NCOA1: variants seen among roughly 807,000 people sequenced by gnomAD.
The protein encoded by NCOA1 is nuclear receptor coactivator 1.
In NCOA1, 35 loss-of-function variants were observed where a neutral mutation model predicts 150.9. The observed-to-expected ratio is 0.23, with a 90% CI of 0.18 to 0.31. The LOEUF (loss-of-function observed/expected upper bound fraction) is 0.31, where lower values mean the gene tolerates loss of function less well. Ranked by LOEUF, NCOA1 falls within the 10% of genes least tolerant of loss-of-function variation. The probability of loss-of-function intolerance (pLI) is 1.00; values close to 1 mark genes in which losing one functional copy is unlikely to be tolerated. For missense variants in NCOA1, 1,491 were observed against 1,749.3 expected (o/e 0.85, Z 2.63); for synonymous variants, 590 against 630.0 (o/e 0.94, Z 0.95).
intron 4 of NCOA1, among the ~76,000 whole-genome samples, chr2:24,651,881 A>T (rs1670726016): frequency 6.6e-6 from 1 of 151,964 alleles, no homozygotes; most frequent in Non-Finnish European, 1.5e-5. Context: ...ACAGGAAATA[A>T]CTCTTTATTT....
chr2:24,566,219 C>G (rs1376580170), intron 2 of NCOA1, among the ~76,000 whole-genome samples: 1 of 152,190 alleles, frequency 6.6e-6, no homozygotes, highest in African/African-American at 2.4e-5. Flanking sequence ...CAATAGGTAG[C>G]TCCTTTCTGC....
intron 3 of NCOA1, among the ~76,000 whole-genome samples, chr2:24,638,180 C>CTTTTTTTTTTT (rs544369191): frequency 1.1e-5 from 1 of 89,508 alleles, no homozygotes; most frequent in Admixed American, 1.3e-4. Flanking sequence ...ATGAGATCAA[C>CTTTTTTTTTTT]TTTTTTTTTT....
intron 3 of NCOA1, among the ~76,000 whole-genome samples, chr2:24,625,792 G>T (rs1669382503): frequency 6.6e-6 from 1 of 150,452 alleles, no homozygotes; most frequent in Admixed American, 6.6e-5. Context: ...AAGTGTGTTG[G>T]TTTTAAATAT....
chr2:24,549,554 A>G (rs757678076), intron 1 of NCOA1, among the ~76,000 whole-genome samples: 17 of 152,006 alleles, frequency 1.1e-4, no homozygotes, highest in Non-Finnish European at 1.9e-4. Flanking sequence ...CAATTTTTCC[A>G]TATTTTTATG....
At chr2:24,642,597 A>G (rs926132183) in intron 3 of NCOA1, among the ~76,000 whole-genome samples, 1 of 152,212 alleles carries the variant, frequency 6.6e-6, no homozygotes, top group Non-Finnish European at 1.5e-5. Flanking sequence ...TGGTAAACAT[A>G]CACTTAACTA....
intron 1 of NCOA1, among the ~76,000 whole-genome samples, chr2:24,549,250 G>A (rs552448007): frequency 3.9e-5 from 6 of 152,198 alleles, no homozygotes; most frequent in Non-Finnish European, 8.8e-5. Context: ...AGCCTGAGTT[G>A]TACCTTGGCC....
At chr2:24,702,184 A>G (rs1358455531) in intron 11 of NCOA1, among the ~76,000 whole-genome samples, 1 of 152,194 alleles carries the variant, frequency 6.6e-6, no homozygotes, top group East Asian at 1.9e-4. Context: ...AAATCTTTTT[A>G]TGTCAAACTT....
At chr2:24,583,015 C>G (rs55637880) in intron 2 of NCOA1, among the ~76,000 whole-genome samples, 1,840 of 152,184 alleles carry the variant, frequency 0.012, 24 homozygotes, top group Non-Finnish European at 0.019. Flanking sequence ...GCAAAGATTT[C>G]CTGGCTAAGA....
chr2:24,636,816 A>G (rs1572522818), intron 3 of NCOA1, among the ~76,000 whole-genome samples: 1 of 152,056 alleles, frequency 6.6e-6, no homozygotes, highest in South Asian at 2.1e-4. Flanking sequence ...GAGTTTTATC[A>G]TGAATGGGTG....
chr2:24,620,801 AT>A (rs1206363011), intron 3 of NCOA1, among the ~76,000 whole-genome samples: 2 of 152,196 alleles, frequency 1.3e-5, no homozygotes, highest in Non-Finnish European at 2.9e-5. Context: ...GATTCACAGA[AT>A]TTCATTGAAT....
At chr2:24,699,525 A>G (rs916770352) in intron 11 of NCOA1, among the ~76,000 whole-genome samples, 2 of 152,150 alleles carry the variant, frequency 1.3e-5, no homozygotes, top group Non-Finnish European at 2.9e-5. Context: ...CCTCTTCCCC[A>G]TTAGTCATTT....
intron 1 of NCOA1, among the ~76,000 whole-genome samples, chr2:24,530,474 A>G (rs926527756): frequency 2.6e-5 from 4 of 152,168 alleles, no homozygotes; most frequent in African/African-American, 7.2e-5. Context: ...GCTTTTGATC[A>G]TCTTGTCTTT....
At chr2:24,652,260 G>A (rs575470130) in intron 4 of NCOA1, among the ~76,000 whole-genome samples, 40 of 152,132 alleles carry the variant, frequency 2.6e-4, no homozygotes, top group African/African-American at 9.1e-4. Flanking sequence ...AAAGATTTTG[G>A]TTGTCATTGA....
chr2:24,570,907 G>A (rs995690920), intron 2 of NCOA1, among the ~76,000 whole-genome samples: 4 of 152,214 alleles, frequency 2.6e-5, no homozygotes, highest in Admixed American at 2.6e-4. Flanking sequence ...TAGATTAACA[G>A]CAGTGCCTGG....
intron 3 of NCOA1, among the ~76,000 whole-genome samples, chr2:24,596,377 A>G (rs1232372935): frequency 2.6e-5 from 4 of 152,190 alleles, no homozygotes; most frequent in African/African-American, 9.6e-5. Flanking sequence ...ATAAAATGCC[A>G]TACAGTAATA....
chr2:24,553,757 T>C (rs902069228), intron 1 of NCOA1, among the ~76,000 whole-genome samples: 33 of 152,314 alleles, frequency 2.2e-4, no homozygotes, highest in African/African-American at 7.0e-4. Context: ...GTAGTTTGTT[T>C]TGGTCTGATT....
intron 12 of NCOA1, among the ~76,000 whole-genome samples, 193 bp from the exon 13 acceptor site, chr2:24,706,375 G>T (rs532957925): frequency 6.6e-6 from 1 of 151,914 alleles, no homozygotes. Flanking sequence ...TTATTAAGTG[G>T]TGCTAATATT....
At chr2:24,654,861 T>C (rs1307697178) in intron 4 of NCOA1, among the ~76,000 whole-genome samples, 1 of 152,010 alleles carries the variant, frequency 6.6e-6, no homozygotes, top group Non-Finnish European at 1.5e-5. Context: ...GCACCCTTCT[T>C]CCATTTATCA....
chr2:24,741,384 A>C (rs1041719042), intron 18 of NCOA1, among the ~76,000 whole-genome samples: 2 of 152,200 alleles, frequency 1.3e-5, no homozygotes, highest in Non-Finnish European at 2.9e-5. Flanking sequence ...AGGATAGGAC[A>C]GAAGTCATCA....
Sources: gnomAD v4.1 joint callset for allele counts (sites outside exome capture counted in the v4.1 genomes callset) on GRCh38, gnomAD v4.1.1 for gene constraint, MANE v1.5 for transcripts, NCBI Gene and HGNC (gene_info 2026-07-23, HGNC 2026-07-21) for gene names.